The following CAMTA1 variants were observed in gnomAD, a reference collection of about 807,000 sequenced individuals.
CAMTA1 encodes the protein calmodulin-binding transcription activator 1.
CAMTA1 carries 27 observed loss-of-function variants against 170.9 expected under a neutral mutation model. That is an observed-to-expected ratio of 0.16 (90% confidence interval 0.12 to 0.22). The LOEUF is 0.22. Ranked by LOEUF, CAMTA1 falls within the 10% of genes least tolerant of loss-of-function variation. The probability of loss-of-function intolerance (pLI) is 1.00; values close to 1 mark genes in which losing one functional copy is unlikely to be tolerated. For synonymous variants in CAMTA1, 833 were observed against 891.5 expected (o/e 0.93, Z 1.17); for missense variants, 1,619 against 2,217.2 (o/e 0.73, Z 5.42).
chr1:7,700,530 A>T (rs954803886), intron 11 of CAMTA1, among the ~76,000 whole-genome samples: 10 of 152,254 alleles, frequency 6.6e-5, no homozygotes, highest in African/African-American at 2.2e-4. Flanking sequence ...TCAGGACTGG[A>T]TTTCTCATTC....
intron 5 of CAMTA1, among the ~76,000 whole-genome samples, chr1:7,448,475 C>A (rs2092734062): frequency 6.6e-6 from 1 of 152,214 alleles, no homozygotes; most frequent in Non-Finnish European, 1.5e-5. Context: ...AAGCTGGGAG[C>A]TGGGCAGGCG....
At chr1:6,819,332 A>T (rs1252273242) in intron 1 of CAMTA1, among the ~76,000 whole-genome samples, 2 of 151,634 alleles carry the variant, frequency 1.3e-5, no homozygotes, top group African/African-American at 4.9e-5. Context: ...ACCGTTGTGT[A>T]GGTTTTAGGT....
Position 7,680,405 on chromosome 1 carries a change from C to T in CAMTA1, c.2914+2672C>T, listed in dbSNP as rs2096179270. On this transcript the variant is annotated intron_variant, in intron 11 of 22. Transcript: ENST00000303635. This position sits in a 1 kb window ranked among gnomAD's most constrained non-coding sequence, Gnocchi z 4.4. ...AGGGGTGGGCGCCAGGGGACTGCAG[C>T]GCGGAGCAAACTGGGGCACGGCTGC... Among the ~76,000 whole-genome samples the T allele has an allele frequency of 6.6e-6, 1 of 152,128 alleles. No homozygotes were observed. Among genetic ancestry groups the T allele is most frequent in the Admixed American group, 6.5e-5 (1 of 15,280 alleles).
intron 4 of CAMTA1, among the ~76,000 whole-genome samples, chr1:7,202,770 G>A (rs898542627): frequency 1.3e-5 from 2 of 152,046 alleles, no homozygotes; most frequent in Non-Finnish European, 2.9e-5. Context: ...AGTTCTCATA[G>A]TGTTTTTTAG....
rs562419410 is a variant in CAMTA1 at position 7,737,561 on chromosome 1, A to G, written c.3649A>G (p.Thr1217Ala). The change falls in exon 15 of 23, where the codon ACC becomes GCC. Residue 1217 changes from threonine to alanine, a missense_variant. Physicochemically the swap from Thr to Ala is moderately conservative, Grantham distance 58. Transcript: ENST00000303635. ...CAAGGGAGTCACTGTTATTGCAAGC[A>G]CCAACCCAGGTAAGAATTCAGAATC... ...IPKGVTVIAS[T>A]NPELRRPRSE... 8 of 1,604,282 alleles carry G rather than the reference A, an allele frequency of 5.0e-6. No homozygotes were observed. Among genetic ancestry groups the G allele is most frequent in the Non-Finnish European group, 6.8e-6 (8 of 1,174,294 alleles).
intron 3 of CAMTA1, among the ~76,000 whole-genome samples, chr1:6,889,967 C>T (rs1238393375): frequency 1.3e-5 from 2 of 152,170 alleles, no homozygotes; most frequent in African/African-American, 4.8e-5. Context: ...GTCAAAATTA[C>T]ATAGTTAGCA....
chr1:7,363,832 T>C (rs752619022), intron 5 of CAMTA1, among the ~76,000 whole-genome samples: 105 of 152,226 alleles, frequency 6.9e-4, no homozygotes, highest in Non-Finnish European at 1.4e-3. Context: ...TTTGTAGATC[T>C]GCCCTCTACT....
intron 16 of CAMTA1, among the ~76,000 whole-genome samples, chr1:7,741,818 C>T (rs1350072374): frequency 6.6e-6 from 1 of 151,874 alleles, no homozygotes; most frequent in African/African-American, 2.4e-5. Context: ...TTGCTTGAAC[C>T]CTGGAGGTGG....
rs1017821285 is a variant in CAMTA1 at position 7,248,268 on chromosome 1, A to G, written c.303-1223A>G. ...GAAAGGCGCTGGAGGGTCTTGCCCC[A>G]GCCCTGCGGGGGACAGATGGCTGAC... On this transcript the variant is annotated intron_variant, in intron 4 of 22. Transcript: ENST00000303635. This position sits in a 1 kb window ranked among gnomAD's most constrained non-coding sequence, Gnocchi z 4.0. Among the ~76,000 whole-genome samples, 2 of 152,210 alleles carry G rather than the reference A, an allele frequency of 1.3e-5. No homozygotes were observed. The highest frequency in any genetic ancestry group is 4.8e-5 in the African/African-American group (2 of 41,454).
At chr1:7,671,158 T>C in intron 10 of CAMTA1, 121 bp downstream of exon 10, 1 of 1,118,080 alleles carries the variant, frequency 8.9e-7, no homozygotes, top group South Asian at 1.5e-5. Context: ...CTCAGTTTCC[T>C]CGGCTGTGAA....
intron 4 of CAMTA1, among the ~76,000 whole-genome samples, chr1:7,095,136 G>A (rs1251279925): frequency 1.3e-5 from 2 of 149,706 alleles, no homozygotes; most frequent in East Asian, 2.0e-4. Context: ...TGTGTCTGTC[G>A]CAGTTGCCTT....
intron 4 of CAMTA1, among the ~76,000 whole-genome samples, chr1:7,095,970 G>C (rs1192896545): frequency 6.6e-6 from 1 of 152,226 alleles, no homozygotes; most frequent in African/African-American, 2.4e-5. Context: ...TGAAGTAAGA[G>C]CATGTCCTTC....
chr1:6,787,611 A>G (rs963426714), intron 1 of CAMTA1, among the ~76,000 whole-genome samples: 2 of 152,226 alleles, frequency 1.3e-5, no homozygotes, highest in Non-Finnish European at 2.9e-5. Flanking sequence ...GATAGATATT[A>G]ACGTTGTTGG....
At chr1:6,966,791 T>C (rs1691630885) in intron 3 of CAMTA1, among the ~76,000 whole-genome samples, 1 of 151,722 alleles carries the variant, frequency 6.6e-6, no homozygotes, top group Admixed American at 6.6e-5. Flanking sequence ...TTTTGTATTT[T>C]AGTAGAGACT....
chr1:7,204,054 G>A (rs1657224330), intron 4 of CAMTA1, among the ~76,000 whole-genome samples: 1 of 151,662 alleles, frequency 6.6e-6, no homozygotes, highest in Non-Finnish European at 1.5e-5. Context: ...TAGCCAAGAT[G>A]GTCTCGATCT....
chr1:6,999,859 C>G (rs1306604517), intron 3 of CAMTA1, among the ~76,000 whole-genome samples: 1 of 152,154 alleles, frequency 6.6e-6, no homozygotes, highest in Non-Finnish European at 1.5e-5. Flanking sequence ...GTGATAAAAT[C>G]TGGTCTTGAT....
At position 7,482,675 on chromosome 1, in the gene CAMTA1, G is replaced by A. The variant is rs549247293; in HGVS notation, c.510+14774G>A. Reference sequence around the variant, plus strand: ...GCTTGGAGGATTGAGAAGGAAATTCGGGGCAGAAACGTTTGTTGATCCTGA... The same window carrying A: ...GCTTGGAGGATTGAGAAGGAAATTCAGGGCAGAAACGTTTGTTGATCCTGA... On this transcript the variant is annotated intron_variant, in intron 6 of 22. Transcript: ENST00000303635. This position sits in a 1 kb window ranked among gnomAD's most constrained non-coding sequence, Gnocchi z 4.2. Among the ~76,000 whole-genome samples, 109 of 152,258 alleles carry A rather than the reference G, an allele frequency of 7.2e-4. No individual in the cohort carries two copies. The highest frequency in any genetic ancestry group is 2.4e-3 in the African/African-American group (101 of 41,546).
intron 1 of CAMTA1, among the ~76,000 whole-genome samples, chr1:6,786,076 C>T (rs1639205973): frequency 6.6e-6 from 1 of 151,818 alleles, no homozygotes; most frequent in Non-Finnish European, 1.5e-5. Flanking sequence ...GGCGCTCAGC[C>T]CTCGCCGGCC....
chr1:6,816,827 A>G (rs1645882643), intron 1 of CAMTA1, among the ~76,000 whole-genome samples: 2 of 152,138 alleles, frequency 1.3e-5, no homozygotes, highest in Admixed American at 1.3e-4. Context: ...CAAAACACGA[A>G]GTTGTCCTGT....
Sources: allele counts gnomAD v4.1 joint callset (sites outside exome capture counted in the v4.1 genomes callset), GRCh38; gene constraint gnomAD v4.1.1; non-coding constraint Gnocchi (gnomAD v3.1); transcripts MANE v1.5; gene names NCBI Gene and HGNC (gene_info 2026-07-23, HGNC 2026-07-21).